The following ZC3H12B variants were observed in gnomAD, a reference collection of about 807,000 sequenced individuals.
ZC3H12B encodes probable ribonuclease ZC3H12B.
ZC3H12B carries 7 observed loss-of-function variants against 43.9 expected under a neutral mutation model. The observed-to-expected ratio is 0.16, with a 90% confidence interval of 0.09 to 0.30. The LOEUF is 0.30. ZC3H12B is among the 10% of genes least tolerant of loss of function. The pLI is 1.00. For synonymous variants in ZC3H12B, 222 were observed against 241.7 expected (o/e 0.92, Z 0.76); for missense variants, 475 against 670.2 (o/e 0.71, Z 3.22).
chrX:65,177,728 G>A, the ZC3H12B span, among the ~76,000 whole-genome samples: 1 of 111,588 alleles, frequency 9.0e-6, no homozygotes, highest in South Asian at 3.8e-4. Flanking sequence ...GGATATGAAG[G>A]ACCTCTTCAA....
chrX:65,452,959 C>T (rs1470305561), intron 3 of ZC3H12B, among the ~76,000 whole-genome samples: 2 of 109,991 alleles, frequency 1.8e-5, no homozygotes, highest in African/African-American at 6.7e-5. Flanking sequence ...ATGCAGTTCC[C>T]ATCAAAATGC....
chrX:65,396,580 C>CT (rs371460867), intron 2 of ZC3H12B, among the ~76,000 whole-genome samples: 8,407 of 99,990 alleles, frequency 0.084, 984 homozygotes, highest in African/African-American at 0.29. Context: ...TTGTTTTTGT[C>CT]TTTTTTTTTT....
the ZC3H12B span, among the ~76,000 whole-genome samples, chrX:65,226,814 T>A: frequency 9.0e-6 from 1 of 111,627 alleles, no homozygotes; most frequent in African/African-American, 3.3e-5. Flanking sequence ...AAGGGATCAA[T>A]GCAACCAGAA....
chrX:65,227,233 C>A, the ZC3H12B span, among the ~76,000 whole-genome samples: 9 of 111,431 alleles, frequency 8.1e-5, no homozygotes, highest in Admixed American at 5.7e-4. Context: ...GAAACTCACT[C>A]AAAACCGCTC....
chrX:65,290,436 C>T, the ZC3H12B span, among the ~76,000 whole-genome samples: 22 of 110,066 alleles, frequency 2.0e-4, no homozygotes, highest in Non-Finnish European at 3.1e-4. Context: ...TTGAGACTTC[C>T]GAAAAAAGTA....
At chrX:65,488,172 G>T (rs1000643740), upstream of ZC3H12B, among the ~76,000 whole-genome samples, 1 of 110,968 alleles carries the variant, frequency 9.0e-6, no homozygotes, top group East Asian at 2.8e-4. Context: ...TGCCCGGCCC[G>T]CATGTGCTTT....
At chrX:65,060,413 A>T in the ZC3H12B span, among the ~76,000 whole-genome samples, 3 of 111,853 alleles carry the variant, frequency 2.7e-5, no homozygotes, top group African/African-American at 9.8e-5. Context: ...ACATGAAACG[A>T]TGTTGAATTT....
the ZC3H12B span, among the ~76,000 whole-genome samples, chrX:65,241,896 G>A: frequency 2.0e-4 from 22 of 111,470 alleles, no homozygotes; most frequent in Admixed American, 5.7e-4. Context: ...CATTCCTGAA[G>A]CTAGAGTCAG....
intron 3 of ZC3H12B, among the ~76,000 whole-genome samples, chrX:65,450,335 ATGTATATATATG>A (rs1442857520): frequency 4.7e-5 from 4 of 84,843 alleles, no homozygotes; most frequent in East Asian, 3.5e-4. Flanking sequence ...ATACATATAT[ATGTATATATATG>A]TGTATATATA....
At chrX:65,044,045 TAC>T in the ZC3H12B span, among the ~76,000 whole-genome samples, 1 of 111,817 alleles carries the variant, frequency 8.9e-6, no homozygotes, top group Non-Finnish European at 1.9e-5. Flanking sequence ...TAGAGGATGT[TAC>T]AGACAGTGAA....
At chrX:65,080,911 C>T in the ZC3H12B span, among the ~76,000 whole-genome samples, 1 of 110,620 alleles carries the variant, frequency 9.0e-6, no homozygotes, top group Admixed American at 9.7e-5. Context: ...TAAATAATAA[C>T]TAAAACAACT....
chrX:65,338,353 A>C, the ZC3H12B span, among the ~76,000 whole-genome samples: 1 of 111,844 alleles, frequency 8.9e-6, no homozygotes, highest in Admixed American at 9.5e-5. Context: ...TAAATTGGAC[A>C]ATTGAATCAC....
At chrX:65,248,538 G>A in the ZC3H12B span, among the ~76,000 whole-genome samples, 7 of 111,779 alleles carry the variant, frequency 6.3e-5, no homozygotes, top group Non-Finnish European at 1.9e-5. Flanking sequence ...CTATTTAAAA[G>A]GCACTAGGGA....
chrX:65,128,833 T>A, the ZC3H12B span, among the ~76,000 whole-genome samples: 1 of 111,984 alleles, frequency 8.9e-6, no homozygotes, highest in Admixed American at 9.5e-5. Context: ...TTTACTCTGA[T>A]ATCTACTTCA....
the ZC3H12B span, among the ~76,000 whole-genome samples, chrX:65,065,827 G>A: frequency 7.4e-5 from 8 of 108,777 alleles, no homozygotes; most frequent in Non-Finnish European, 1.3e-4. Flanking sequence ...TTTCCTGGAG[G>A]CTTTGTTTGT....
chrX:65,068,107 T>A, the ZC3H12B span, among the ~76,000 whole-genome samples: 1 of 103,429 alleles, frequency 9.7e-6, no homozygotes, highest in Non-Finnish European at 2.0e-5. Context: ...TGATGTTACT[T>A]TTTTTTTTTT....
chrX:65,495,795 T>C (rs1040289407), intron 1 of ZC3H12B, among the ~76,000 whole-genome samples: 4 of 112,593 alleles, frequency 3.6e-5, no homozygotes, highest in Non-Finnish European at 7.5e-5. Flanking sequence ...GTTTTCACAA[T>C]GTTTATTCCT....
intron 3 of ZC3H12B, among the ~76,000 whole-genome samples, chrX:65,468,212 T>C (rs1276979075): frequency 8.9e-6 from 1 of 111,872 alleles, no homozygotes. Context: ...GAATATGGTG[T>C]ACTTTCCCCA....
chrX:65,056,490 G>T, the ZC3H12B span, among the ~76,000 whole-genome samples: 3 of 111,646 alleles, frequency 2.7e-5, no homozygotes, highest in Non-Finnish European at 5.6e-5. Flanking sequence ...TACATTTGCT[G>T]AGGAATGCTT....
Sources: allele counts gnomAD v4.1 joint callset (sites outside exome capture counted in the v4.1 genomes callset), GRCh38; gene constraint gnomAD v4.1.1; transcripts MANE v1.5; gene names NCBI Gene and HGNC (gene_info 2026-07-23, HGNC 2026-07-21).